GLIS2: variants seen among roughly 807,000 people sequenced by gnomAD.
GLIS2 encodes zinc finger protein GLIS2.
Under a neutral mutation model 35.6 loss-of-function variants are expected in GLIS2, and 14 were observed. That is an observed-to-expected ratio of 0.39 (90% CI 0.26 to 0.61). GLIS2 has a LOEUF of 0.61. Ranked by LOEUF, GLIS2 falls within the 20% of genes least tolerant of loss-of-function variation. GLIS2 has a pLI of 0.48. For synonymous variants in GLIS2, 368 were observed against 325.1 expected (o/e 1.13, Z -1.42); for missense variants, 675 against 713.4 (o/e 0.95, Z 0.61).
chr16:4,316,708 C>T (rs535876609), intron 1 of GLIS2, among the ~76,000 whole-genome samples: 2 of 152,262 alleles, frequency 1.3e-5, no homozygotes, highest in African/African-American at 4.8e-5. Flanking sequence ...GTGCCTCCTC[C>T]CTTGGCCGGG....
At chr16:4,326,191 G>A (rs1243153003) in intron 1 of GLIS2, among the ~76,000 whole-genome samples, 3 of 152,144 alleles carry the variant, frequency 2.0e-5, no homozygotes, top group Non-Finnish European at 4.4e-5. Context: ...CTTGCAGTGA[G>A]CTGAGATCGT....
Position 4,322,102 on chromosome 16 carries a change from T to C in GLIS2, c.-67+5848T>C, listed in dbSNP as rs866973355. 4.8e-5 allele frequency among the ~76,000 whole-genome samples: 7 copies of C among 146,530 alleles called. No homozygotes were observed. In the South Asian group the frequency reaches 6.6e-4, roughly 14 times the overall value. On this transcript the variant is annotated intron_variant, in intron 1 of 6. Coordinates refer to ENST00000433375, the MANE Select transcript of GLIS2 (RefSeq NM_032575.3). The stretch of plus-strand genomic sequence containing the variant: ...AAAGAGAACAGGGGGGCATGGATGG[T>C]GGTGAGGGAGGAGCTGGCACCTGGG...
At position 4,337,487 on chromosome 16, in the gene GLIS2, C is replaced by A. The variant is rs868318727; in HGVS notation, c.1538C>A (p.Pro513Gln). The change falls in exon 7 of 7, where the codon CCG (proline) becomes CAG (glutamine). Residue 513 changes from proline (P) to glutamine (Q), a missense_variant. Pro to Gln is a moderately conservative substitution (Grantham distance 76, BLOSUM62 -1). Coordinates refer to ENST00000433375, the MANE Select transcript of GLIS2 (RefSeq NM_032575.3). ...GCCCCTGGCTGGGTGGTCATCCCGC[C>A]GGGCTCGGTGCTGCTCAAACCGGCT... ...ALAPGWVVIPPGSVLLKPAVV... is the reference protein window; with the variant it reads ...ALAPGWVVIPQGSVLLKPAVV... 1.3e-6 allele frequency: 2 copies of A among 1,569,288 alleles called. No homozygotes were observed. Among genetic ancestry groups the A allele is most frequent in the African/African-American group, 1.3e-5 (1 of 74,534 alleles).
chr16:4,327,845 G>A (rs2053452032), intron 1 of GLIS2, among the ~76,000 whole-genome samples: 1 of 151,998 alleles, frequency 6.6e-6, no homozygotes, highest in Admixed American at 6.5e-5. Context: ...TTTTGCAGCT[G>A]GAGGAGCCGC....
intron 1 of GLIS2, among the ~76,000 whole-genome samples, chr16:4,316,951 C>T (rs1016391243): frequency 3.3e-5 from 5 of 152,142 alleles, no homozygotes; most frequent in Non-Finnish European, 7.4e-5. Context: ...AGGTGCATCC[C>T]GAGGGAGGAG....
At chr16:4,323,068 C>T (rs956837739) in intron 1 of GLIS2, among the ~76,000 whole-genome samples, 1 of 152,242 alleles carries the variant, frequency 6.6e-6, no homozygotes, top group African/African-American at 2.4e-5. Flanking sequence ...GGTGTCTGTA[C>T]ATCCGGGGGT....
At position 4,337,749 on chromosome 16, in the gene GLIS2, G is replaced by A. The variant is rs2053573433; in HGVS notation, c.*225G>A. On this transcript the variant is annotated 3_prime_UTR_variant, in exon 7 of 7. Transcript: ENST00000433375. ...GAGAGCTGTGCTCCTGGGTGCTGAA[G>A]CCTCGCTCCTGTCTGTCCCCCACCA... 1 of 644,230 alleles carries A rather than the reference G, an allele frequency of 1.6e-6. No homozygotes were observed. Among genetic ancestry groups the A allele is most frequent in the African/African-American group, 1.8e-5 (1 of 55,682 alleles). 39.9% of individuals were successfully genotyped at this position (644,230 alleles called of 1,614,324 possible). A position where few individuals can be genotyped will look rare whatever the true frequency, so the allele number is the denominator to read the frequency against.
chr16:4,316,235 C>A lies in GLIS2; in HGVS notation c.-86C>A, dbSNP rs539955897. ...CCGCCGGAGCCCGCAGCCCGGATCCCGACCGCCCCCGCCGCTGAGGTAGGA... is the reference window on the plus strand; with the variant it reads ...CCGCCGGAGCCCGCAGCCCGGATCCAGACCGCCCCCGCCGCTGAGGTAGGA... On this transcript the variant is annotated 5_prime_UTR_variant, in exon 1 of 7. Coordinates refer to ENST00000433375, the MANE Select transcript of GLIS2 (RefSeq NM_032575.3). Among the ~76,000 whole-genome samples, 3,297 of 143,592 alleles carry A rather than the reference C, an allele frequency of 0.023. 133 individuals are homozygous for A. The highest frequency in any genetic ancestry group is 0.08 in the African/African-American group (3,090 of 38,716). The allele number at this position is 143,592 out of a possible 152,430, so 94.2% of individuals were successfully genotyped here.
chr16:4,318,685 C>T (rs2053342031), intron 1 of GLIS2, among the ~76,000 whole-genome samples: 1 of 152,220 alleles, frequency 6.6e-6, no homozygotes. Context: ...TCCAAGGCCC[C>T]CACTCTCCCC....
chr16:4,317,457 C>A (rs529424537), intron 1 of GLIS2, among the ~76,000 whole-genome samples: 2 of 152,112 alleles, frequency 1.3e-5, no homozygotes, highest in Admixed American at 6.5e-5. Context: ...CACTGCGCTT[C>A]GGAGGGCCTT....
At chr16:4,316,475 C>T (rs1183435055) in intron 1 of GLIS2, among the ~76,000 whole-genome samples, 1 of 151,820 alleles carries the variant, frequency 6.6e-6, no homozygotes, top group Admixed American at 6.6e-5. Flanking sequence ...CTCGAGCTCT[C>T]GGTCTTTCTT....
Position 4,337,690 on chromosome 16 carries a change from A to C in GLIS2, c.*166A>C. Reference sequence around the variant, plus strand: ...CTAGGTCATTCATGGCTGGCCTCCCAGCCCCCGGGTGGGGACCTGGCCTGT... The same window carrying C: ...CTAGGTCATTCATGGCTGGCCTCCCCGCCCCCGGGTGGGGACCTGGCCTGT... On this transcript the variant is annotated 3_prime_UTR_variant, in exon 7 of 7. Coordinates refer to ENST00000433375, the MANE Select transcript of GLIS2 (RefSeq NM_032575.3). 1 of 1,005,838 alleles carries C rather than the reference A, an allele frequency of 9.9e-7. No individual in the cohort carries two copies. The highest frequency in any genetic ancestry group is 2.6e-5 in the East Asian group (1 of 38,096). 62.3% of individuals were successfully genotyped at this position (1,005,838 alleles called of 1,614,324 possible). A position where few individuals can be genotyped will look rare whatever the true frequency, so the allele number is the denominator to read the frequency against.
At chr16:4,333,266 C>T in intron 2 of GLIS2, 81 bp from the exon 3 acceptor site, 1 of 1,523,126 alleles carries the variant, frequency 6.6e-7, no homozygotes, top group Non-Finnish European at 9.0e-7. Context: ...CCCAAGGTCA[C>T]AGTGGGGGTT....
Position 4,335,048 on chromosome 16 carries a change from C to T in GLIS2, c.523-12C>T, listed in dbSNP as rs1231331240. 1 of 1,613,324 alleles carries T rather than the reference C, an allele frequency of 6.2e-7. No homozygotes were observed. The highest frequency in any genetic ancestry group is 8.5e-7 in the Non-Finnish European group (1 of 1,180,046). ...CCCCGCATGGGCTCAGAACACTTCC[C>T]ATCCTCCGCAGTGTAACCAGCTCTT... On this transcript the variant is annotated splice_polypyrimidine_tract_variant and intron_variant, in intron 4 of 6. Coordinates refer to ENST00000433375, the MANE Select transcript of GLIS2 (RefSeq NM_032575.3). This position sits in a 1 kb window ranked among gnomAD's most constrained non-coding sequence, Gnocchi z 4.6.
At chr16:4,317,339 C>G (rs1466399100) in intron 1 of GLIS2, among the ~76,000 whole-genome samples, 1 of 152,136 alleles carries the variant, frequency 6.6e-6, no homozygotes, top group Non-Finnish European at 1.5e-5. Context: ...GGGCCTGGGC[C>G]ATGGTTCTTG....
rs534786428 is a variant in GLIS2 at position 4,320,213 on chromosome 16, G to T, written c.-67+3959G>T. 3.3e-5 allele frequency among the ~76,000 whole-genome samples: 5 copies of T among 152,230 alleles called. No individual in the cohort carries two copies. The East Asian group carries it at 9.7e-4, about 29-fold the overall frequency. On this transcript the variant is annotated intron_variant, in intron 1 of 6. Coordinates refer to ENST00000433375, the MANE Select transcript of GLIS2 (RefSeq NM_032575.3). The surrounding 1 kb of genome is among the most constrained non-coding windows in gnomAD (Gnocchi z 5.6). ...GGGAAGGGACGGAGACCCAGCCCTG[G>T]CCCCTTCCTCCAGTCATGGCCAAGG...
chr16:4,323,596 C>T (rs527997797), intron 1 of GLIS2, among the ~76,000 whole-genome samples: 5 of 152,240 alleles, frequency 3.3e-5, no homozygotes, highest in East Asian at 1.9e-4. Flanking sequence ...TCCCGGAGCC[C>T]GGTGTCACCC....
Position 4,336,899 on chromosome 16 carries a change from A to C in GLIS2, c.950A>C (p.His317Pro). 6.2e-7 allele frequency: 1 copy of C among 1,613,204 alleles called. No homozygotes were observed. Among genetic ancestry groups the C allele is most frequent in the Non-Finnish European group, 8.5e-7 (1 of 1,180,014 alleles). ...PSSLRKHIKA[H>P]GHFVSHEQQE... is the part of the protein sequence containing the mutation. ...TCACTGCGCAAGCACATCAAGGCCC[A>C]TGGCCACTTTGTGTCCCACGAGCAG... The change falls in exon 7 of 7, where the codon CAT (histidine) becomes CCT (proline). Residue 317 changes from histidine (H) to proline (P), a missense_variant. Around this residue, in one of 3 missense-constraint regions of GLIS2, gnomAD observed 317 missense variants for 283.2 expected, o/e 1.12. Coordinates refer to ENST00000433375, the MANE Select transcript of GLIS2 (RefSeq NM_032575.3).
At chr16:4,336,285 T>C (rs1346621760) in intron 6 of GLIS2, 2 of 318,518 alleles carry the variant, frequency 6.3e-6, no homozygotes, top group Admixed American at 4.2e-5. Flanking sequence ...TAGCTGGGAT[T>C]ACAGGCACCT....
Sources: gnomAD v4.1 joint callset for allele counts (sites outside exome capture counted in the v4.1 genomes callset) on GRCh38, gnomAD v4.1.1 for gene constraint, gnomAD v4.1.1 regional missense constraint, Gnocchi (gnomAD v3.1) non-coding constraint, MANE v1.5 for transcripts, NCBI Gene and HGNC (gene_info 2026-07-23, HGNC 2026-07-21) for gene names.